Variants in TSNARE1 observed in about 807,000 individuals in gnomAD.
TSNARE1 encodes the protein t-SNARE domain containing 1.
TSNARE1 carries 49 observed loss-of-function variants against 62.0 expected under a neutral mutation model. The ratio of observed to expected loss-of-function variants is 0.79; its 90% CI spans 0.63 to 1.00. The LOEUF is 1.00. Among genes scored for constraint, TSNARE1 ranks in the 50% least tolerant of loss-of-function variants. The pLI is 0.00. For synonymous variants in TSNARE1, 328 were observed against 294.4 expected (o/e 1.11, Z -1.17); for missense variants, 755 against 700.1 (o/e 1.08, Z -0.88).
At chr8:142,332,719 C>G (rs899629037) in intron 4 of TSNARE1, among the ~76,000 whole-genome samples, 1 of 152,152 alleles carries the variant, frequency 6.6e-6, no homozygotes, top group Non-Finnish European at 1.5e-5. Context: ...CCTCTGTCCA[C>G]CCCTCAGTCA....
intron 1 of TSNARE1, among the ~76,000 whole-genome samples, chr8:142,386,452 TAAC>T (rs370403643): frequency 2.1e-4 from 32 of 152,126 alleles, no homozygotes; most frequent in African/African-American, 7.2e-4. Context: ...GTAAAAGACT[TAAC>T]AATACATGCA....
intron 1 of TSNARE1, among the ~76,000 whole-genome samples, chr8:142,391,592 G>T (rs1011700418): frequency 6.6e-6 from 1 of 152,188 alleles, no homozygotes; most frequent in Non-Finnish European, 1.5e-5. Flanking sequence ...GGTTCCTGGC[G>T]CCTCCAAGCT....
chr8:142,296,246 G>C (rs1309708747), intron 10 of TSNARE1, among the ~76,000 whole-genome samples: 1 of 45,028 alleles, frequency 2.2e-5, no homozygotes, highest in East Asian at 8.4e-4. Context: ...GGTCATGGGG[G>C]AGGGGGTGGT....
intron 12 of TSNARE1, chr8:142,271,811 T>A: frequency 1.7e-6 from 1 of 605,998 alleles, no homozygotes; most frequent in Non-Finnish European, 2.5e-6. Context: ...TGTATGGGTC[T>A]CACGATGCTC....
intron 4 of TSNARE1, among the ~76,000 whole-genome samples, chr8:142,340,455 T>C (rs1832427297): frequency 6.6e-6 from 1 of 152,102 alleles, no homozygotes; most frequent in Non-Finnish European, 1.5e-5. Flanking sequence ...GTGGGGTGAC[T>C]GCCTAGGGCC....
At chr8:142,233,296 G>A (rs1404952317) in intron 12 of TSNARE1, among the ~76,000 whole-genome samples, 2 of 152,238 alleles carry the variant, frequency 1.3e-5, no homozygotes, top group African/African-American at 2.4e-5. Context: ...CCCTTTTACA[G>A]ATGGGAGGGC....
rs1016939533 is a variant in TSNARE1, at chr8:142,258,336, C to T, written c.1446+16445G>A. ...GCAGGCATATGTAAATGCACGCACC[C>T]GCCCACTGCTGCCCCGAGTGCACAC... On this transcript the variant is annotated intron_variant, in intron 12 of 13. Transcript: ENST00000524325. Among the ~76,000 whole-genome samples the T allele has an allele frequency of 3.3e-5, 5 of 152,318 alleles. No homozygotes were observed. The South Asian group carries it at 8.3e-4, about 25-fold the overall frequency.
chr8:142,371,811 T>C (rs867332246), intron 1 of TSNARE1, among the ~76,000 whole-genome samples: 2 of 152,080 alleles, frequency 1.3e-5, no homozygotes, highest in Non-Finnish European at 2.9e-5. Context: ...AAGCTGAGGG[T>C]TGGCAAACAA....
At chr8:142,293,785 C>T (rs1016508449) in intron 10 of TSNARE1, among the ~76,000 whole-genome samples, 2 of 152,172 alleles carry the variant, frequency 1.3e-5, no homozygotes, top group African/African-American at 4.8e-5. Flanking sequence ...TTGGCTCTGC[C>T]CTGGAGCATC....
chr8:142,280,195 CGTGT>C (rs1454559790), intron 11 of TSNARE1: 14 of 985,262 alleles, frequency 1.4e-5, no homozygotes, highest in African/African-American at 1.7e-5. Flanking sequence ...GTTGGGCTTG[CGTGT>C]CTTGGTGCGG....
intron 1 of TSNARE1, among the ~76,000 whole-genome samples, chr8:142,395,522 G>A (rs980381499): frequency 8.5e-5 from 13 of 152,216 alleles, no homozygotes; most frequent in Admixed American, 2.0e-4. Context: ...ATGGAGCACC[G>A]CAGATGCCAA....
intron 1 of TSNARE1, among the ~76,000 whole-genome samples, chr8:142,359,481 G>A (rs1478796195): frequency 2.0e-5 from 3 of 152,154 alleles, no homozygotes; most frequent in Non-Finnish European, 2.9e-5. Flanking sequence ...CACTGAGGGA[G>A]GAAAGAACAA....
At chr8:142,329,766 T>C (rs1830747259) in intron 6 of TSNARE1, among the ~76,000 whole-genome samples, 1 of 152,090 alleles carries the variant, frequency 6.6e-6, no homozygotes, top group South Asian at 2.1e-4. Flanking sequence ...GCATCCTGCG[T>C]CCAAATTCCC....
chr8:142,382,048 G>A (rs556827546), intron 1 of TSNARE1, among the ~76,000 whole-genome samples: 8 of 152,248 alleles, frequency 5.3e-5, no homozygotes, highest in Non-Finnish European at 8.8e-5. Flanking sequence ...AGGCCTGGCC[G>A]TTCCCAGGCC....
intron 12 of TSNARE1, among the ~76,000 whole-genome samples, chr8:142,250,433 C>T (rs1047787101): frequency 5.3e-5 from 8 of 152,052 alleles, no homozygotes; most frequent in South Asian, 4.1e-4. Flanking sequence ...TTCCAAGCAG[C>T]GGCGTGGGGG....
At chr8:142,331,034 A>C in intron 5 of TSNARE1, 64 bp from the exon 6 acceptor site, 3 of 1,475,396 alleles carry the variant, frequency 2.0e-6, no homozygotes, top group Non-Finnish European at 2.8e-6. Context: ...GCTACTCCAT[A>C]TGGGTGGCCC....
At position 142,388,750 on chromosome 8, in the gene TSNARE1, G is replaced by T. The variant is rs567177504; in HGVS notation, c.-40+14354C>A. Among the ~76,000 whole-genome samples the T allele has an allele frequency of 2.0e-5, 3 of 152,052 alleles. No homozygotes were observed. In the South Asian group the frequency reaches 6.2e-4, roughly 32 times the overall value. On this transcript the variant is annotated intron_variant, in intron 1 of 13. Transcript: ENST00000524325. The stretch of plus-strand genomic sequence containing the variant: ...TTTTTGTATTTTTAGTAGAGACGGG[G>T]TTTTGCCATGTTGGCCAGGCTGGTC...
chr8:142,292,517 C>G (rs1823969973), intron 10 of TSNARE1, among the ~76,000 whole-genome samples: 1 of 152,148 alleles, frequency 6.6e-6, no homozygotes, highest in Non-Finnish European at 1.5e-5. Context: ...GCGGGAGCCA[C>G]AGGCTAGCTG....
chr8:142,394,810 G>A (rs572448791), intron 1 of TSNARE1, among the ~76,000 whole-genome samples: 1 of 152,302 alleles, frequency 6.6e-6, no homozygotes, highest in African/African-American at 2.4e-5. Context: ...AGCTGCCAGC[G>A]TGCCTGTCCA....
Sources: allele counts gnomAD v4.1 joint callset (sites outside exome capture counted in the v4.1 genomes callset), GRCh38; gene constraint gnomAD v4.1.1; transcripts MANE v1.5; gene names NCBI Gene and HGNC (gene_info 2026-07-23, HGNC 2026-07-21).